Variants in PSD3 observed in about 807,000 individuals in gnomAD.
PSD3 encodes the protein PH and SEC7 domain-containing protein 3.
PSD3 carries 49 observed loss-of-function variants against 105.5 expected under a neutral mutation model. The observed-to-expected ratio is 0.46, with a 90% CI of 0.37 to 0.59. The LOEUF (loss-of-function observed/expected upper bound fraction) is 0.59, where lower values mean the gene tolerates loss of function less well. PSD3 is among the 20% of genes least tolerant of loss of function. The pLI, the probability that PSD3 is intolerant of heterozygous loss-of-function variation, is 0.00. For synonymous variants in PSD3, 557 were observed against 457.8 expected, an observed-to-expected ratio of 1.22 and a Z score of -2.77; for missense variants, 1,561 against 1,263.8, an observed-to-expected ratio of 1.24 and a Z score of -3.57.
At chr8:18,841,642 A>C (rs1408504783) in intron 4 of PSD3, among the ~76,000 whole-genome samples, 1 of 152,180 alleles carries the variant, frequency 6.6e-6, no homozygotes, top group Admixed American at 6.5e-5. Context: ...AGCTAGTATC[A>C]ACCAGTCATG....
chr8:18,720,949 A>G (rs1373655909), intron 9 of PSD3: 1 of 152,198 alleles, frequency 6.6e-6, no homozygotes, highest in African/African-American at 2.4e-5. Context: ...TCTATTTAAA[A>G]AAGACAAGAT....
At chr8:19,025,975 A>G (rs1827537075) in intron 1 of PSD3, among the ~76,000 whole-genome samples, 1 of 152,082 alleles carries the variant, frequency 6.6e-6, no homozygotes, top group Admixed American at 6.5e-5. Context: ...GGCTGGGGAG[A>G]CCTCACAATC....
intron 4 of PSD3, among the ~76,000 whole-genome samples, chr8:18,820,970 G>C (rs190667033): frequency 4.5e-4 from 69 of 152,162 alleles, no homozygotes; most frequent in Middle Eastern, 3.4e-3. Flanking sequence ...AGCTAGTCTC[G>C]AACTCCTGGA....
At chr8:18,711,680 G>A (rs1802266313) in intron 9 of PSD3, among the ~76,000 whole-genome samples, 1 of 152,046 alleles carries the variant, frequency 6.6e-6, no homozygotes, top group Non-Finnish European at 1.5e-5. Flanking sequence ...CAATGATAAT[G>A]GGAGATGTTA....
At chr8:18,782,320 G>A (rs116456440) in intron 8 of PSD3, among the ~76,000 whole-genome samples, 197 of 152,064 alleles carry the variant, frequency 1.3e-3, no homozygotes, top group African/African-American at 4.4e-3. Context: ...ATTGGGTTTC[G>A]AAGGGAAAGA....
chr8:18,760,099 T>C (rs766570201), intron 9 of PSD3, among the ~76,000 whole-genome samples: 8 of 151,762 alleles, frequency 5.3e-5, no homozygotes, highest in South Asian at 2.1e-4. Flanking sequence ...AACATTAAGA[T>C]AGAGGAACTT....
chr8:18,655,497 G>C (rs1035862426), intron 10 of PSD3, 145 bp downstream of exon 10: 9 of 755,980 alleles, frequency 1.2e-5, no homozygotes, highest in Non-Finnish European at 2.0e-5. Context: ...CTTGTATAAA[G>C]CCACAAAGTA....
intron 11 of PSD3, among the ~76,000 whole-genome samples, chr8:18,607,702 A>AAAAAAAAAAAAAG (rs1804955054): frequency 1.1e-5 from 1 of 88,152 alleles, no homozygotes; most frequent in African/African-American, 5.5e-5. Flanking sequence ...AAAACAAAAC[A>AAAAAAAAAAAAAG]AAAAAAAAAA....
intron 10 of PSD3, among the ~76,000 whole-genome samples, chr8:18,647,268 G>A (rs1808106341): frequency 6.6e-6 from 1 of 152,166 alleles, no homozygotes; most frequent in Non-Finnish European, 1.5e-5. Flanking sequence ...TAAAGCTCAG[G>A]GCTATCATAA....
chr8:18,873,402 T>C lies in PSD3; in HGVS notation c.131-669A>G, dbSNP rs1302562856. Reference sequence around the variant, plus strand: ...ATTCATTTTTCTCATTTTATTCATTTATTTTCCCAATTGACAAAAGTTTGT... The same window carrying C: ...ATTCATTTTTCTCATTTTATTCATTCATTTTCCCAATTGACAAAAGTTTGT... On this transcript the variant is annotated intron_variant, in intron 2 of 15. Transcript: ENST00000327040. Among the ~76,000 whole-genome samples, 5 of 152,186 alleles carry C rather than the reference T, an allele frequency of 3.3e-5. No homozygotes were observed. In the East Asian group the frequency reaches 9.6e-4, roughly 29 times the overall value.
intron 1 of PSD3, among the ~76,000 whole-genome samples, chr8:18,980,675 GCT>G (rs774442349): frequency 9.2e-5 from 14 of 151,416 alleles, no homozygotes; most frequent in Non-Finnish European, 1.8e-4. Flanking sequence ...CTCCACACAC[GCT>G]CAAGTTTAGA....
chr8:18,843,911 G>A (rs916803527), intron 4 of PSD3, among the ~76,000 whole-genome samples: 1 of 128,300 alleles, frequency 7.8e-6, no homozygotes, highest in South Asian at 2.4e-4. Flanking sequence ...TTATAAGATA[G>A]ACTATTTTTT....
chr8:18,615,455 A>G (rs192173702), intron 11 of PSD3, among the ~76,000 whole-genome samples: 3 of 152,258 alleles, frequency 2.0e-5, no homozygotes, highest in Non-Finnish European at 2.9e-5. Flanking sequence ...CCATTGTTCC[A>G]TCTGTAAGGG....
At chr8:18,707,727 C>T (rs1010664217) in intron 9 of PSD3, among the ~76,000 whole-genome samples, 2 of 152,212 alleles carry the variant, frequency 1.3e-5, no homozygotes, top group Non-Finnish European at 1.5e-5. Context: ...AAATAAGGCT[C>T]ATTAGAAACA....
At chr8:18,843,592 G>C (rs1355549643) in intron 4 of PSD3, among the ~76,000 whole-genome samples, 1 of 152,160 alleles carries the variant, frequency 6.6e-6, no homozygotes, top group East Asian at 1.9e-4. Flanking sequence ...TACAATTTCA[G>C]TCCTCACCTA....
At chr8:19,069,584 T>A (rs1209101125) in intron 1 of PSD3, among the ~76,000 whole-genome samples, 1 of 152,206 alleles carries the variant, frequency 6.6e-6, no homozygotes, top group Non-Finnish European at 1.5e-5. Context: ...TTGAAAGGGA[T>A]AGGGTCATCA....
At chr8:18,991,578 T>C (rs1454177208) in intron 1 of PSD3, among the ~76,000 whole-genome samples, 1 of 152,168 alleles carries the variant, frequency 6.6e-6, no homozygotes, top group Non-Finnish European at 1.5e-5. Context: ...CATTTGTCAA[T>C]TTGGGACACC....
At chr8:18,759,146 CTTAAGGGAAG>C (rs1806306288) in intron 9 of PSD3, among the ~76,000 whole-genome samples, 1 of 149,198 alleles carries the variant, frequency 6.7e-6, no homozygotes, top group Non-Finnish European at 1.5e-5. Flanking sequence ...TTGCTCTTCC[CTTAAGGGAAG>C]ACGTGCTAAT....
At chr8:18,613,453 C>A (rs1465410736) in intron 11 of PSD3, among the ~76,000 whole-genome samples, 4 of 152,126 alleles carry the variant, frequency 2.6e-5, no homozygotes, top group African/African-American at 7.2e-5. Context: ...TGCGTATTTC[C>A]TTTTTCATTT....
Sources: gnomAD v4.1 joint callset for allele counts (sites outside exome capture counted in the v4.1 genomes callset) on GRCh38, gnomAD v4.1.1 for gene constraint, MANE v1.5 for transcripts, NCBI Gene and HGNC (gene_info 2026-07-23, HGNC 2026-07-21) for gene names.